DCBLD2: variants seen among roughly 807,000 people sequenced by gnomAD.
DCBLD2 encodes the protein discoidin, CUB and LCCL domain containing 2.
DCBLD2 carries 54 observed loss-of-function variants against 86.8 expected under a neutral mutation model. The observed-to-expected ratio is 0.62, with a 90% CI of 0.50 to 0.78. DCBLD2 has a LOEUF of 0.78. Ranked by LOEUF, DCBLD2 falls within the 30% of genes least tolerant of loss-of-function variation. The pLI is 0.00. For synonymous variants in DCBLD2, 354 were observed against 341.3 expected, an observed-to-expected ratio of 1.04 and a Z score of -0.41; for missense variants, 908 against 954.2, an observed-to-expected ratio of 0.95 and a Z score of 0.64.
chr3:98,809,756 TA>T (rs1471845912), intron 12 of DCBLD2, among the ~76,000 whole-genome samples: 1 of 152,112 alleles, frequency 6.6e-6, no homozygotes, highest in Non-Finnish European at 1.5e-5. Context: ...ACCTGGAAAC[TA>T]CAGAGGCACA....
At chr3:98,848,579 T>G (rs1158011618) in intron 3 of DCBLD2, among the ~76,000 whole-genome samples, 5 of 152,208 alleles carry the variant, frequency 3.3e-5, no homozygotes, top group African/African-American at 1.2e-4. Context: ...TGACTTACAC[T>G]CCCACAAACA....
intron 10 of DCBLD2, 115 bp downstream of exon 10, chr3:98,812,217 A>G (rs902215450): frequency 1.9e-5 from 26 of 1,382,298 alleles, no homozygotes; most frequent in Non-Finnish European, 2.5e-5. Context: ...AGATATTGTA[A>G]TTAGAGTTTA....
intron 4 of DCBLD2, among the ~76,000 whole-genome samples, chr3:98,823,433 G>A (rs1413623155): frequency 2.0e-5 from 3 of 152,112 alleles, no homozygotes; most frequent in Non-Finnish European, 4.4e-5. Flanking sequence ...TATTAAAAGA[G>A]GTGCATTCAT....
At chr3:98,865,699 A>T (rs1943129524) in intron 2 of DCBLD2, among the ~76,000 whole-genome samples, 1 of 150,574 alleles carries the variant, frequency 6.6e-6, no homozygotes, top group Non-Finnish European at 1.5e-5. Context: ...CATATATACA[A>T]TTTTCTTTTT....
At chr3:98,811,171 C>T (rs1284678343) in intron 12 of DCBLD2, 23 bp downstream of exon 12, 5 of 1,580,456 alleles carry the variant, frequency 3.2e-6, no homozygotes, top group South Asian at 2.4e-5. Flanking sequence ...ATGTACTAGG[C>T]GTTCATTTCC....
rs144603411 is a variant in DCBLD2, at chr3:98,822,488, G to C, written c.697-127C>G. 9.1e-5 allele frequency: 120 copies of C among 1,313,388 alleles called. No individual in the cohort carries two copies. In the African/African-American group the frequency reaches 1.6e-3, roughly 17 times the overall value. The allele number at this position is 1,313,388 out of a possible 1,614,324, so 81.4% of individuals were successfully genotyped here. On this transcript the variant is annotated intron_variant, in intron 5 of 15. Coordinates refer to ENST00000326840, the MANE Select transcript of DCBLD2 (RefSeq NM_080927.4). ...TTCATAAACTTCATAAACAAAAATA[G>C]ATTATTGGTACTGTAACACAACAGT...
chr3:98,806,711 A>G (rs1207929616), intron 13 of DCBLD2, among the ~76,000 whole-genome samples: 1 of 152,218 alleles, frequency 6.6e-6, no homozygotes, highest in Non-Finnish European at 1.5e-5. Context: ...GCATGGCTGA[A>G]CAAATGAAGT....
intron 2 of DCBLD2, among the ~76,000 whole-genome samples, chr3:98,850,468 C>A (rs1303123233): frequency 6.6e-6 from 1 of 152,078 alleles, no homozygotes; most frequent in Non-Finnish European, 1.5e-5. Flanking sequence ...CTTGGTCTAT[C>A]AGATATATAA....
intron 13 of DCBLD2, 75 bp from the exon 14 acceptor site, chr3:98,801,724 G>T: frequency 9.0e-7 from 1 of 1,109,576 alleles, no homozygotes; most frequent in Non-Finnish European, 1.3e-6. Flanking sequence ...CCCCATGACA[G>T]GCCTTGGTAT....
chr3:98,841,214 G>T (rs141248268), intron 3 of DCBLD2, among the ~76,000 whole-genome samples: 1 of 152,158 alleles, frequency 6.6e-6, no homozygotes, highest in African/African-American at 2.4e-5. Flanking sequence ...AGAAAGAGCA[G>T]GAGAGAATAC....
At chr3:98,837,858 C>A (rs375805579) in intron 3 of DCBLD2, among the ~76,000 whole-genome samples, 13,235 of 88,408 alleles carry the variant, frequency 0.15, no homozygotes, top group Non-Finnish European at 0.23. Flanking sequence ...GGCGGCTGGC[C>A]ATGCGGGGGG....
Position 98,826,847 on chromosome 3 carries a change from G to A in DCBLD2, c.572-1481C>T, listed in dbSNP as rs566728159. 5.3e-5 allele frequency among the ~76,000 whole-genome samples: 8 copies of A among 152,244 alleles called. No individual in the cohort carries two copies. The South Asian group carries it at 1.2e-3, about 24-fold the overall frequency. Reference sequence around the variant, plus strand: ...AAAGTAAGTGATTTTACATATAAACGCTTGATTAAAGAACTGTGTCAAGGG... The same window carrying A: ...AAAGTAAGTGATTTTACATATAAACACTTGATTAAAGAACTGTGTCAAGGG... On this transcript the variant is annotated intron_variant, in intron 3 of 15. Transcript: ENST00000326840.
chr3:98,805,833 T>C (rs1430555733), intron 13 of DCBLD2, among the ~76,000 whole-genome samples: 1 of 152,138 alleles, frequency 6.6e-6, no homozygotes, highest in African/African-American at 2.4e-5. Context: ...CACTCCTCAG[T>C]CCTCCCCCTC....
intron 2 of DCBLD2, among the ~76,000 whole-genome samples, chr3:98,867,480 A>C (rs916196261): frequency 3.3e-5 from 5 of 152,162 alleles, no homozygotes; most frequent in African/African-American, 1.2e-4. Flanking sequence ...ATGTCACTTA[A>C]AAAATCATTA....
chr3:98,831,392 A>AT (rs35089945), intron 3 of DCBLD2, among the ~76,000 whole-genome samples: 9,315 of 151,726 alleles, frequency 0.061, 351 homozygotes, highest in Non-Finnish European at 0.072. Flanking sequence ...CCTATCATTA[A>AT]TTTTTTTCAA....
intron 1 of DCBLD2, among the ~76,000 whole-genome samples, chr3:98,892,993 C>G (rs530723540): frequency 6.6e-6 from 1 of 152,172 alleles, no homozygotes; most frequent in African/African-American, 2.4e-5. Flanking sequence ...TTTGGGTGGG[C>G]TGGAGACAGT....
chr3:98,890,729 T>G (rs1461126412), intron 1 of DCBLD2, among the ~76,000 whole-genome samples: 1 of 152,072 alleles, frequency 6.6e-6, no homozygotes, highest in Non-Finnish European at 1.5e-5. Context: ...TTAATTCCTT[T>G]AACCCTCCAA....
chr3:98,900,904 A>C, intron 1 of DCBLD2: 1 of 767,530 alleles, frequency 1.3e-6, no homozygotes, highest in South Asian at 1.9e-5. Flanking sequence ...TTTCAGAAAA[A>C]TAAATGGCCT....
At chr3:98,843,568 A>G (rs1011321373) in intron 3 of DCBLD2, among the ~76,000 whole-genome samples, 1 of 152,208 alleles carries the variant, frequency 6.6e-6, no homozygotes, top group African/African-American at 2.4e-5. Context: ...CCTACGTTTC[A>G]TTTGCAAACT....
Sources: gnomAD v4.1 joint callset for allele counts (sites outside exome capture counted in the v4.1 genomes callset) on GRCh38, gnomAD v4.1.1 for gene constraint, MANE v1.5 for transcripts, NCBI Gene and HGNC (gene_info 2026-07-23, HGNC 2026-07-21) for gene names.